Variants in SLC33A2 observed in about 807,000 individuals in gnomAD.
The protein encoded by SLC33A2 is solute carrier family 33 member 2, also known as major facilitator superfamily domain containing 3.
chr8:144,509,856 T>C, the SLC33A2 span: 1 of 1,538,324 alleles, frequency 6.5e-7, no homozygotes, highest in Non-Finnish European at 8.7e-7. Context: ...TGCCACCTAC[T>C]GGCTGGCCGC....
the SLC33A2 span, chr8:144,510,163 G>C: frequency 7.8e-7 from 1 of 1,279,594 alleles, no homozygotes; most frequent in Middle Eastern, 2.8e-4. Context: ...GGGCTCTGCA[G>C]CTGGGCCTTG....
the SLC33A2 span, chr8:144,510,104 G>C: frequency 1.6e-5 from 23 of 1,442,906 alleles, no homozygotes; most frequent in Non-Finnish European, 2.0e-5. Flanking sequence ...CCATTACAGG[G>C]CCACGCTCTT....
At chr8:144,510,963 C>A in the SLC33A2 span, 1 of 1,599,450 alleles carries the variant, frequency 6.3e-7, no homozygotes, top group South Asian at 1.1e-5. Context: ...GTGGGCCTGA[C>A]CTTGACCGTG....
At chr8:144,509,356 T>C in the SLC33A2 span, 1 of 1,475,058 alleles carries the variant, frequency 6.8e-7, no homozygotes, top group Non-Finnish European at 8.9e-7. Context: ...TTGCTGCCGC[T>C]GGCCGGCCTC....
At chr8:144,509,222 A>C in the SLC33A2 span, 1 of 1,165,098 alleles carries the variant, frequency 8.6e-7, no homozygotes, top group Non-Finnish European at 1.2e-6. Context: ...GCCCGGTCCC[A>C]GAACCAAAGC....
the SLC33A2 span, chr8:144,509,822 G>C: frequency 1.9e-6 from 3 of 1,539,370 alleles, no homozygotes; most frequent in African/African-American, 2.7e-5. Flanking sequence ...CCTTCTCGTG[G>C]CCGCAACTCT....
At chr8:144,509,938 C>T in the SLC33A2 span, 1 of 1,589,626 alleles carries the variant, frequency 6.3e-7, no homozygotes, top group Non-Finnish European at 8.5e-7. Context: ...CGTCCCCACA[C>T]CGCGCACCTT....
chr8:144,509,812 C>G, the SLC33A2 span: 1 of 1,541,196 alleles, frequency 6.5e-7, no homozygotes, highest in Non-Finnish European at 8.7e-7. Context: ...CTGCTGCCCA[C>G]CTTCTCGTGG....
At chr8:144,509,722 C>G in the SLC33A2 span, 1 of 1,568,070 alleles carries the variant, frequency 6.4e-7, no homozygotes, top group Non-Finnish European at 8.6e-7. Context: ...CTGGAGCCGG[C>G]CGAACTGGGG....
chr8:144,510,322 T>C, the SLC33A2 span: 7 of 1,607,522 alleles, frequency 4.4e-6, no homozygotes, highest in Admixed American at 1.7e-5. Context: ...GGGGCAGATA[T>C]GGAACCTCCC....
At chr8:144,509,653 T>G in the SLC33A2 span, 2 of 1,548,320 alleles carry the variant, frequency 1.3e-6, no homozygotes, top group Non-Finnish European at 1.7e-6. Flanking sequence ...TTGCTGCTGT[T>G]GTTGAACCTG....
the SLC33A2 span, chr8:144,510,125 G>A: frequency 4.4e-6 from 6 of 1,368,034 alleles, no homozygotes; most frequent in Non-Finnish European, 5.9e-6. Context: ...TCTGGGGTAT[G>A]ACCTGCAAGA....
At chr8:144,510,786 C>T in the SLC33A2 span, 3 of 1,611,234 alleles carry the variant, frequency 1.9e-6, no homozygotes, top group Non-Finnish European at 2.5e-6. Context: ...TGACTTCTGC[C>T]CTCCCAGGGT....
the SLC33A2 span, chr8:144,509,308 C>G: frequency 7.0e-7 from 1 of 1,432,130 alleles, no homozygotes; most frequent in South Asian, 1.5e-5. Flanking sequence ...CCCGACCTCC[C>G]AGCCTCGCAG....
chr8:144,510,104 G>A, the SLC33A2 span: 13 of 1,442,788 alleles, frequency 9.0e-6, no homozygotes, highest in African/African-American at 1.7e-4. Context: ...CCATTACAGG[G>A]CCACGCTCTT....
At chr8:144,510,184 G>GC in the SLC33A2 span, 2 of 1,269,732 alleles carry the variant, frequency 1.6e-6, no homozygotes, top group Non-Finnish European at 1.1e-6. Flanking sequence ...TGTCTTGTCC[G>GC]CCCCCAGCTC....
chr8:144,511,155 CT>C, the SLC33A2 span: 2 of 1,609,794 alleles, frequency 1.2e-6, no homozygotes. Flanking sequence ...CACCCAGCAC[CT>C]TTCTCTGAGC....
chr8:144,509,852 C>T, the SLC33A2 span: 13 of 1,538,514 alleles, frequency 8.4e-6, no homozygotes, highest in South Asian at 1.5e-4. Context: ...TGGCTGCCAC[C>T]TACTGGCTGG....
the SLC33A2 span, chr8:144,509,471 G>C: frequency 7.2e-6 from 11 of 1,536,642 alleles, no homozygotes; most frequent in African/African-American, 4.1e-5. Context: ...CCAAGGTTCT[G>C]TACGCTCCGT....
Sources: gnomAD v4.1 joint callset for allele counts on GRCh38, gnomAD v4.1.1 for gene constraint, MANE v1.5 for transcripts, NCBI Gene and HGNC (gene_info 2026-07-23, HGNC 2026-07-21) for gene names.